The following SETBP1 variants were observed in gnomAD, a reference collection of about 807,000 sequenced individuals.
The protein encoded by SETBP1 is SET-binding protein.
SETBP1 carries 9 observed loss-of-function variants against 101.0 expected under a neutral mutation model. The observed-to-expected ratio is 0.09, with a 90% confidence interval of 0.05 to 0.16. The LOEUF (loss-of-function observed/expected upper bound fraction) is 0.16. Ranked by LOEUF, SETBP1 falls within the 10% of genes least tolerant of loss-of-function variation. The pLI is 1.00. For missense variants in SETBP1, 1,858 were observed against 2,033.8 expected, an observed-to-expected ratio of 0.91 and a Z score of 1.66; for synonymous variants, 818 against 788.5, an observed-to-expected ratio of 1.04 and a Z score of -0.63.
intron 1 of SETBP1, among the ~76,000 whole-genome samples, chr18:44,681,561 C>A (rs1159901039): frequency 7.2e-6 from 1 of 139,112 alleles, no homozygotes; most frequent in African/African-American, 2.6e-5. Flanking sequence ...ATTCCCCCCG[C>A]CCCCCCATCC....
At chr18:44,829,385 G>T (rs1028618567) in intron 2 of SETBP1, among the ~76,000 whole-genome samples, 1 of 152,144 alleles carries the variant, frequency 6.6e-6, no homozygotes, top group Non-Finnish European at 1.5e-5. Flanking sequence ...CTGATAAAGT[G>T]TATCTAAACT....
At chr18:44,867,317 T>C (rs763772513) in intron 2 of SETBP1, among the ~76,000 whole-genome samples, 6 of 152,194 alleles carry the variant, frequency 3.9e-5, no homozygotes, top group Non-Finnish European at 5.9e-5. Context: ...GTGTTAGGAT[T>C]GGCCATTTCC....
chr18:44,888,303 T>G (rs1276674626), intron 3 of SETBP1, among the ~76,000 whole-genome samples: 2 of 152,072 alleles, frequency 1.3e-5, no homozygotes, highest in African/African-American at 4.8e-5. Context: ...AGGTCCCTTC[T>G]TAGCATCTAG....
At chr18:45,018,044 T>A (rs984826814) in intron 4 of SETBP1, among the ~76,000 whole-genome samples, 1 of 152,174 alleles carries the variant, frequency 6.6e-6, no homozygotes, top group Admixed American at 6.5e-5. Context: ...AATATTGGAA[T>A]CCACTTAATG....
intron 3 of SETBP1, among the ~76,000 whole-genome samples, chr18:44,887,914 AC>A (rs1403346150): frequency 1.3e-5 from 2 of 152,164 alleles, no homozygotes; most frequent in East Asian, 3.9e-4. Context: ...AATACCTGGA[AC>A]CCAGATTCCA....
chr18:45,015,059 A>T (rs1437625662), intron 4 of SETBP1, among the ~76,000 whole-genome samples: 1 of 152,164 alleles, frequency 6.6e-6, no homozygotes, highest in Non-Finnish European at 1.5e-5. Context: ...CGAGCATGCC[A>T]GGGCTTGGGG....
intron 2 of SETBP1, among the ~76,000 whole-genome samples, chr18:44,768,219 T>C (rs2070801090): frequency 6.6e-6 from 1 of 152,222 alleles, no homozygotes; most frequent in Non-Finnish European, 1.5e-5. Flanking sequence ...AAGAGATTGT[T>C]AAGTGAGAGG....
intron 5 of SETBP1, among the ~76,000 whole-genome samples, chr18:45,045,013 G>T (rs2073581343): frequency 6.6e-6 from 1 of 152,176 alleles, no homozygotes; most frequent in African/African-American, 2.4e-5. Flanking sequence ...GCCAGGTGCG[G>T]TGGCTTATGC....
chr18:44,927,291 T>C (rs2070727091), intron 3 of SETBP1, among the ~76,000 whole-genome samples: 1 of 152,180 alleles, frequency 6.6e-6, no homozygotes, highest in Admixed American at 6.5e-5. Flanking sequence ...GCAGCCTACA[T>C]TCAACCTTCA....
At chr18:45,059,490 A>C (rs1046754342) in intron 5 of SETBP1, among the ~76,000 whole-genome samples, 1 of 152,074 alleles carries the variant, frequency 6.6e-6, no homozygotes, top group African/African-American at 2.4e-5. Context: ...GCACAGTTTC[A>C]TCTTCTCCCT....
At chr18:45,050,907 G>A (rs1323433607) in intron 5 of SETBP1, among the ~76,000 whole-genome samples, 1 of 152,208 alleles carries the variant, frequency 6.6e-6, no homozygotes, top group Non-Finnish European at 1.5e-5. Context: ...GATATTTTGA[G>A]AGGACACTTT....
chr18:45,040,806 C>A (rs2073493426), intron 5 of SETBP1, among the ~76,000 whole-genome samples: 2 of 152,162 alleles, frequency 1.3e-5, no homozygotes, highest in African/African-American at 2.4e-5. Flanking sequence ...TTGCAGGATG[C>A]AAGAATGGGC....
chr18:44,877,406 G>A, intron 3 of SETBP1: 1 of 979,156 alleles, frequency 1.0e-6, no homozygotes, highest in Non-Finnish European at 1.2e-6. Context: ...TAAAAGAGTA[G>A]GATTTGGACT....
chr18:44,941,077 C>CTTTTTTTTT, intron 3 of SETBP1, among the ~76,000 whole-genome samples: 1 of 74,878 alleles, frequency 1.3e-5, no homozygotes, highest in South Asian at 4.8e-4. Flanking sequence ...AGAAGTCAGA[C>CTTTTTTTTT]TTTTTTTTTT....
intron 2 of SETBP1, among the ~76,000 whole-genome samples, chr18:44,705,885 C>G (rs944246416): frequency 1.3e-5 from 2 of 152,060 alleles, no homozygotes; most frequent in African/African-American, 4.8e-5. Context: ...GAGGAGGAGC[C>G]CATGGAAGTA....
chr18:44,837,664 G>A (rs959945358), intron 2 of SETBP1, among the ~76,000 whole-genome samples: 2 of 152,210 alleles, frequency 1.3e-5, no homozygotes, highest in African/African-American at 4.8e-5. Flanking sequence ...TTTGCTGCAG[G>A]AAGGAGCTGG....
At chr18:44,964,604 A>ACC (rs1555636611) in intron 4 of SETBP1, among the ~76,000 whole-genome samples, 5 of 147,234 alleles carry the variant, frequency 3.4e-5, no homozygotes, top group African/African-American at 1.3e-4. Context: ...AAAAAAAAAA[A>ACC]CCCTGTTAAT....
At chr18:44,904,270 AGTTTTC>A (rs1416550303) in intron 3 of SETBP1, among the ~76,000 whole-genome samples, 1 of 152,202 alleles carries the variant, frequency 6.6e-6, no homozygotes, top group Non-Finnish European at 1.5e-5. Context: ...TAAGATTTCT[AGTTTTC>A]TGACAATACA....
intron 4 of SETBP1, among the ~76,000 whole-genome samples, chr18:44,983,847 A>C (rs1290756313): frequency 6.6e-6 from 1 of 152,092 alleles, no homozygotes; most frequent in Non-Finnish European, 1.5e-5. Context: ...CTCAACTTCA[A>C]TTTTGCATTT....
Sources: allele counts gnomAD v4.1 joint callset (sites outside exome capture counted in the v4.1 genomes callset), GRCh38; gene constraint gnomAD v4.1.1; transcripts MANE v1.5; gene names NCBI Gene and HGNC (gene_info 2026-07-23, HGNC 2026-07-21).